SLC13A2: variants seen among roughly 807,000 people sequenced by gnomAD.
SLC13A2 encodes the protein Na(+)-coupled citrate transporter.
Under a neutral mutation model 58.5 loss-of-function variants are expected in SLC13A2, and 40 were observed. That is an observed-to-expected ratio of 0.68 (90% CI 0.53 to 0.89). The LOEUF (loss-of-function observed/expected upper bound fraction) is 0.89, where lower values mean the gene tolerates loss of function less well. Among genes scored for constraint, SLC13A2 ranks in the 40% least tolerant of loss-of-function variants. The probability of loss-of-function intolerance (pLI) is 0.00; values close to 1 mark genes in which losing one functional copy is unlikely to be tolerated. For synonymous variants in SLC13A2, 341 were observed against 331.6 expected (o/e 1.03, Z -0.31); for missense variants, 694 against 772.6 (o/e 0.90, Z 1.21).
intron 1 of SLC13A2, among the ~76,000 whole-genome samples, chr17:28,481,894 C>T (rs1209033261): frequency 6.6e-6 from 1 of 152,204 alleles, no homozygotes; most frequent in Non-Finnish European, 1.5e-5. Context: ...TTCCTGGGCT[C>T]GAGCAATCCT....
At chr17:28,488,392 GT>G (rs1380159647) in intron 1 of SLC13A2, among the ~76,000 whole-genome samples, 2 of 152,156 alleles carry the variant, frequency 1.3e-5, no homozygotes, top group African/African-American at 4.8e-5. Context: ...GGGGATACGG[GT>G]GCCCTCTCCT....
At chr17:28,476,228 G>A (rs1028268636) in intron 1 of SLC13A2, among the ~76,000 whole-genome samples, 13 of 151,894 alleles carry the variant, frequency 8.6e-5, no homozygotes, top group Non-Finnish European at 1.8e-4. Flanking sequence ...CCCCGCCCTC[G>A]GATCCACTGT....
In SLC13A2 at chr17:28,490,912, A is replaced by G. The variant is rs1352259509; in HGVS notation, c.574+6A>G. 2.5e-6 allele frequency: 4 copies of G among 1,610,246 alleles called. No homozygotes were observed. Among genetic ancestry groups the G allele is most frequent in the Non-Finnish European group, 3.4e-6 (4 of 1,178,236 alleles). On this transcript the variant is annotated splice_donor_region_variant and intron_variant, in intron 4 of 11. Coordinates refer to ENST00000314669, the MANE Select transcript of SLC13A2 (RefSeq NM_003984.4). Reference sequence around the variant, plus strand: ...GAAGGAGGTGACCAAGCTTGGTGAGAAAAATGAGGCTAGACTCTGCCCCAA... The same window carrying G: ...GAAGGAGGTGACCAAGCTTGGTGAGGAAAATGAGGCTAGACTCTGCCCCAA...
intron 1 of SLC13A2, among the ~76,000 whole-genome samples, chr17:28,484,007 G>A (rs1346118718): frequency 2.6e-5 from 4 of 152,124 alleles, no homozygotes; most frequent in Non-Finnish European, 5.9e-5. Context: ...CAGACTCCCC[G>A]AGGGCCAGCG....
chr17:28,495,974 A>C (rs1056071153), intron 10 of SLC13A2, among the ~76,000 whole-genome samples, 158 bp downstream of exon 10: 4 of 151,870 alleles, frequency 2.6e-5, no homozygotes, highest in Non-Finnish European at 4.4e-5. Flanking sequence ...CTCTTGAGCC[A>C]CCTTGGGCCC....
Position 28,497,257 on chromosome 17 carries a change from A to T in SLC13A2, c.1767A>T (p.Thr589=), listed in dbSNP as rs1555604823. 1 of 1,613,550 alleles carries T rather than the reference A, an allele frequency of 6.2e-7. No homozygotes were observed. Among genetic ancestry groups the T allele is most frequent in the Non-Finnish European group, 8.5e-7 (1 of 1,179,768 alleles). The change falls in exon 12 of 12, where the codon ACA becomes ACT. Residue 589 remains threonine (T), a synonymous_variant. Coordinates refer to ENST00000314669, the MANE Select transcript of SLC13A2 (RefSeq NM_003984.4). ...TGCCAAGCCTGGCCAACACCACCAC[A>T]CCAAGCCCCTAGGCTGGGGCACAGC... The part of the protein sequence containing the change: ...QCLPSLANTT[T]PSP
In SLC13A2 at chr17:28,495,733, C is replaced by T. The variant is rs782743522; in HGVS notation, c.1387C>T (p.Leu463Phe). ...GCCAGCTCCAGCCATTGCCATCATC[C>T]TCTCCCTCCTGGTGGCCACCTTCAC... ...SVPAPAIAIILSLLVATFTEC... is the reference protein window; with the variant it reads ...SVPAPAIAIIFSLLVATFTEC... The change falls in exon 10 of 12, where the codon CTC becomes TTC. Residue 463 changes from leucine to phenylalanine, a missense_variant. Coordinates refer to ENST00000314669, the MANE Select transcript of SLC13A2 (RefSeq NM_003984.4). 8 of 1,613,166 alleles carry T rather than the reference C, an allele frequency of 5.0e-6. No homozygotes were observed. Among genetic ancestry groups the T allele is most frequent in the African/African-American group, 1.3e-5 (1 of 74,906 alleles).
chr17:28,493,462 C>T (rs1346850587), intron 6 of SLC13A2, 109 bp from the exon 7 acceptor site: 4 of 871,282 alleles, frequency 4.6e-6, no homozygotes, highest in South Asian at 1.9e-5. Context: ...AGTGTAGTGA[C>T]CCTGAGATGC....
At position 28,496,111 on chromosome 17, in the gene SLC13A2, C is replaced by T. The variant is rs555804884; in HGVS notation, c.1470+295C>T. Among the ~76,000 whole-genome samples, 10 of 152,228 alleles carry T rather than the reference C, an allele frequency of 6.6e-5. No individual in the cohort carries two copies. Among genetic ancestry groups the T allele is most frequent in the African/African-American group, 1.7e-4 (7 of 41,542 alleles). On this transcript the variant is annotated intron_variant, in intron 10 of 11. Transcript: ENST00000314669. The surrounding 1 kb of genome is among the most constrained non-coding windows in gnomAD (Gnocchi z 4.2). ...CCTGTTCTGGTCATTCCTGAGGTGA[C>T]GGGGTGAAATTGCTCCCCGAAGCGT... is the stretch of plus-strand genomic sequence containing the variant.
chr17:28,481,407 C>A (rs1442832701), intron 1 of SLC13A2, among the ~76,000 whole-genome samples: 1 of 152,196 alleles, frequency 6.6e-6, no homozygotes, highest in South Asian at 2.1e-4. Flanking sequence ...ACCGCCATCA[C>A]GTGCAACTTG....
rs1173862250 is a variant in SLC13A2, at chr17:28,494,468, G to A, written c.1264G>A (p.Val422Met). The A allele has an allele frequency of 3.1e-6, 5 of 1,614,060 alleles. No individual in the cohort carries two copies. Among genetic ancestry groups the A allele is most frequent in the Middle Eastern group, 1.6e-4 (1 of 6,062 alleles). Reference sequence around the variant, plus strand: ...GAACCAGAAGATGCCGTGGAATATCGTGTTATTGCTGGGTGGTGGCTATGC... The same window carrying A: ...GAACCAGAAGATGCCGTGGAATATCATGTTATTGCTGGGTGGTGGCTATGC... Reference protein sequence around the residue: ...TVNQKMPWNIVLLLGGGYALA... With the variant: ...TVNQKMPWNIMLLLGGGYALA... Residue 422 changes from valine to methionine, a missense_variant, in exon 9 of 12, where the codon GTG (valine) becomes ATG (methionine). Physicochemically the swap from Val to Met is conservative, Grantham distance 21 (BLOSUM62 1). Coordinates refer to ENST00000314669, the MANE Select transcript of SLC13A2 (RefSeq NM_003984.4). The surrounding 1 kb of genome is among the most constrained non-coding windows in gnomAD (Gnocchi z 4.0).
At chr17:28,490,089 C>T (rs782519412) in intron 2 of SLC13A2, among the ~76,000 whole-genome samples, 3 of 152,052 alleles carry the variant, frequency 2.0e-5, no homozygotes, top group East Asian at 1.9e-4. Flanking sequence ...GCCTGGCCAG[C>T]GAGGTGAAAC....
At position 28,497,310 on chromosome 17, in the gene SLC13A2, A is replaced by G; in HGVS notation, c.*41A>G. On this transcript the variant is annotated 3_prime_UTR_variant, in exon 12 of 12. Transcript: ENST00000314669. Reference sequence around the variant, plus strand: ...GGCCATGCCCAGGAAGACCCACCCCATTCCCACTCCTCTGAGCCCGGAGGG... The same window carrying G: ...GGCCATGCCCAGGAAGACCCACCCCGTTCCCACTCCTCTGAGCCCGGAGGG... 1 of 1,582,482 alleles carries G rather than the reference A, an allele frequency of 6.3e-7. No homozygotes were observed.
rs1555604797 is a variant in SLC13A2, at chr17:28,497,179, C to A, written c.1689C>A (p.Phe563Leu). The change falls in exon 12 of 12, where the codon TTC becomes TTA. Residue 563 changes from phenylalanine to leucine, a missense_variant. Coordinates refer to ENST00000314669, the MANE Select transcript of SLC13A2 (RefSeq NM_003984.4). ...LAINSWGIPL[F>L]SLHSFPSWAQ... Reference sequence around the variant, plus strand: ...TCAACAGCTGGGGCATCCCCCTCTTCAGCCTGCACTCTTTCCCCTCCTGGG... The same window carrying A: ...TCAACAGCTGGGGCATCCCCCTCTTAAGCCTGCACTCTTTCCCCTCCTGGG... The A allele has an allele frequency of 6.2e-7, 1 of 1,614,044 alleles. No individual in the cohort carries two copies. Among genetic ancestry groups the A allele is most frequent in the East Asian group, 2.2e-5 (1 of 44,846 alleles).
At chr17:28,495,219 T>A (rs2069115894) in intron 9 of SLC13A2, among the ~76,000 whole-genome samples, 2 of 152,194 alleles carry the variant, frequency 1.3e-5, no homozygotes, top group African/African-American at 4.8e-5. Context: ...CCCATTAGCC[T>A]CTTGCAGCCT....
chr17:28,483,928 T>C (rs1597876482), intron 1 of SLC13A2, among the ~76,000 whole-genome samples: 1 of 152,306 alleles, frequency 6.6e-6, no homozygotes, highest in East Asian at 1.9e-4. Context: ...CTGCCTGGCT[T>C]AGGGTTTGGA....
At chr17:28,489,831 GT>G (rs2068967169) in intron 2 of SLC13A2, among the ~76,000 whole-genome samples, 1 of 152,228 alleles carries the variant, frequency 6.6e-6, no homozygotes. Context: ...CCACTGTCTA[GT>G]TTTTAGAAAC....
Position 28,496,646 on chromosome 17 carries a change from T to C in SLC13A2, c.1608+59T>C. 3 of 1,560,778 alleles carry C rather than the reference T, an allele frequency of 1.9e-6. No individual in the cohort carries two copies. The highest frequency in any genetic ancestry group is 2.6e-6 in the Non-Finnish European group (3 of 1,148,120). On this transcript the variant is annotated intron_variant, in intron 11 of 11. Transcript: ENST00000314669. This position sits in a 1 kb window ranked among gnomAD's most constrained non-coding sequence, Gnocchi z 4.2. ...TCCTTCCTGCTCTGACTTTTCATCT[T>C]AGTGAACCACAAAGCAGCTTAAAGC...
intron 1 of SLC13A2, among the ~76,000 whole-genome samples, chr17:28,485,416 G>T (rs1008714854): frequency 6.6e-6 from 1 of 152,176 alleles, no homozygotes; most frequent in Non-Finnish European, 1.5e-5. Context: ...AAGGCAGAGA[G>T]CACTAGAGTG....
Sources: gnomAD v4.1 joint callset for allele counts (sites outside exome capture counted in the v4.1 genomes callset) on GRCh38, gnomAD v4.1.1 for gene constraint, Gnocchi (gnomAD v3.1) non-coding constraint, MANE v1.5 for transcripts, NCBI Gene and HGNC (gene_info 2026-07-23, HGNC 2026-07-21) for gene names.